MSRA: variants seen among roughly 807,000 people sequenced by gnomAD.
The protein encoded by MSRA is mitochondrial peptide methionine sulfoxide reductase.
A neutral mutation model predicts 31.3 loss-of-function variants in MSRA; 54 were observed. The ratio of observed to expected loss-of-function variants is 1.73; its 90% CI spans 1.39 to 2.17. The LOEUF is 2.17. MSRA is among the 30% of genes most tolerant of loss of function. The probability of loss-of-function intolerance (pLI) is 0.00; values close to 1 mark genes in which losing one functional copy is unlikely to be tolerated. For missense variants in MSRA, 507 were observed against 300.9 expected (o/e 1.69, Z -5.07); for synonymous variants, 169 against 116.5 (o/e 1.45, Z -2.90).
intron 1 of MSRA, among the ~76,000 whole-genome samples, chr8:10,084,729 G>A (rs1039941060): frequency 6.6e-6 from 1 of 152,212 alleles, no homozygotes; most frequent in African/African-American, 2.4e-5. Context: ...TTAGAACACT[G>A]TGTGGCTATA....
At chr8:10,274,393 C>T (rs1799209915) in intron 3 of MSRA, among the ~76,000 whole-genome samples, 1 of 152,084 alleles carries the variant, frequency 6.6e-6, no homozygotes, top group South Asian at 2.1e-4. Context: ...TGTTGGCATC[C>T]CATGAGGGTT....
At chr8:10,415,512 G>T (rs1045945837) in intron 5 of MSRA, among the ~76,000 whole-genome samples, 1 of 151,974 alleles carries the variant, frequency 6.6e-6, no homozygotes, top group South Asian at 2.1e-4. Context: ...AAAATCAGGG[G>T]GTGTGCAGCT....
At chr8:10,088,656 A>G (rs1249897497) in intron 1 of MSRA, among the ~76,000 whole-genome samples, 1 of 152,124 alleles carries the variant, frequency 6.6e-6, no homozygotes, top group African/African-American at 2.4e-5. Context: ...GAATCGTTTG[A>G]ACCTGGGAGG....
intron 5 of MSRA, among the ~76,000 whole-genome samples, chr8:10,409,807 A>G (rs1385395774): frequency 5.9e-5 from 9 of 152,250 alleles, no homozygotes; most frequent in Admixed American, 1.3e-4. Context: ...CATGCCTGTA[A>G]TGTCAGTACT....
chr8:10,414,840 G>C (rs1260218831), intron 5 of MSRA, among the ~76,000 whole-genome samples: 1 of 152,206 alleles, frequency 6.6e-6, no homozygotes, highest in African/African-American at 2.4e-5. Context: ...AGAAGTTGTA[G>C]TTAATTGATT....
At chr8:10,291,216 G>T (rs1409273634) in intron 3 of MSRA, among the ~76,000 whole-genome samples, 4 of 152,152 alleles carry the variant, frequency 2.6e-5, no homozygotes, top group Admixed American at 2.6e-4. Flanking sequence ...TCCTCTGAGA[G>T]CATAATCTCT....
At chr8:10,404,249 C>A (rs1448521089) in intron 5 of MSRA, among the ~76,000 whole-genome samples, 4 of 152,112 alleles carry the variant, frequency 2.6e-5, no homozygotes, top group African/African-American at 9.7e-5. Flanking sequence ...AAGGCAGGGA[C>A]CTTCCCCAGG....
chr8:10,426,965 C>T (rs1454799932), intron 5 of MSRA, among the ~76,000 whole-genome samples: 3 of 16,906 alleles, frequency 1.8e-4, no homozygotes, highest in Non-Finnish European at 3.9e-4. Context: ...CTTGTCGTTC[C>T]GGACCTGCTG....
chr8:10,239,084 T>G (rs182164103), intron 2 of MSRA, among the ~76,000 whole-genome samples: 49 of 152,098 alleles, frequency 3.2e-4, no homozygotes, highest in African/African-American at 1.2e-3. Flanking sequence ...AGAGGCACTT[T>G]ATAAACGAGT....
chr8:10,205,523 G>A (rs1808881460), intron 1 of MSRA, among the ~76,000 whole-genome samples: 1 of 152,096 alleles, frequency 6.6e-6, no homozygotes, highest in African/African-American at 2.4e-5. Context: ...TGTCAGATAG[G>A]GTGCACTTTG....
At chr8:10,300,657 G>GTAAT (rs1800794009) in intron 3 of MSRA, among the ~76,000 whole-genome samples, 1 of 152,082 alleles carries the variant, frequency 6.6e-6, no homozygotes, top group African/African-American at 2.4e-5. Flanking sequence ...AAAGTTCTAG[G>GTAAT]ATTACAGTGA....
At chr8:10,372,935 A>G (rs571359924) in intron 5 of MSRA, among the ~76,000 whole-genome samples, 4 of 152,304 alleles carry the variant, frequency 2.6e-5, no homozygotes, top group South Asian at 2.1e-4. Flanking sequence ...GTCACCCAGG[A>G]TGGAGTGCAG....
At chr8:10,318,181 C>G (rs1392044263) in intron 4 of MSRA, among the ~76,000 whole-genome samples, 1 of 152,188 alleles carries the variant, frequency 6.6e-6, no homozygotes, top group Non-Finnish European at 1.5e-5. Flanking sequence ...TCGGGGCCAT[C>G]AAAGTTTAAA....
intron 3 of MSRA, among the ~76,000 whole-genome samples, chr8:10,259,965 A>G (rs895270712): frequency 2.0e-5 from 3 of 152,246 alleles, no homozygotes; most frequent in Non-Finnish European, 4.4e-5. Flanking sequence ...AGGCCCTCTG[A>G]GGACCTCAAC....
At chr8:10,116,673 A>G (rs1156616053) in intron 1 of MSRA, among the ~76,000 whole-genome samples, 1 of 152,142 alleles carries the variant, frequency 6.6e-6, no homozygotes. Flanking sequence ...TGTAGATTTT[A>G]CATATGATGG....
chr8:10,349,810 C>T (rs185454913), intron 5 of MSRA, among the ~76,000 whole-genome samples: 2 of 152,356 alleles, frequency 1.3e-5, no homozygotes, highest in East Asian at 3.9e-4. Flanking sequence ...GTCCTGTGTC[C>T]TTGATGTCTG....
chr8:10,239,375 T>G (rs537209015), intron 2 of MSRA, among the ~76,000 whole-genome samples: 5 of 152,350 alleles, frequency 3.3e-5, no homozygotes, highest in Non-Finnish European at 5.9e-5. Context: ...TTGGCCAGGA[T>G]GGCCTCGATG....
At chr8:10,265,219 G>A (rs773737266) in intron 3 of MSRA, among the ~76,000 whole-genome samples, 1 of 152,162 alleles carries the variant, frequency 6.6e-6, no homozygotes, top group Non-Finnish European at 1.5e-5. Flanking sequence ...GGAGGGCTGG[G>A]TCATATACCA....
At chr8:10,056,788 A>T (rs1350185253) in intron 1 of MSRA, among the ~76,000 whole-genome samples, 1 of 152,144 alleles carries the variant, frequency 6.6e-6, no homozygotes, top group Non-Finnish European at 1.5e-5. Context: ...CTCCACTGCA[A>T]CTTGGATCCT....
Sources: gnomAD v4.1 joint callset for allele counts (sites outside exome capture counted in the v4.1 genomes callset) on GRCh38, gnomAD v4.1.1 for gene constraint, MANE v1.5 for transcripts, NCBI Gene and HGNC (gene_info 2026-07-23, HGNC 2026-07-21) for gene names.